MYT1L: variants seen among roughly 807,000 people sequenced by gnomAD.
The protein encoded by MYT1L is myelin transcription factor 1-like protein.
A neutral mutation model predicts 126.7 loss-of-function variants in MYT1L; 12 were observed. The observed-to-expected ratio is 0.09, with a 90% CI of 0.06 to 0.15. The LOEUF (loss-of-function observed/expected upper bound fraction) is 0.15, where lower values mean the gene tolerates loss of function less well. Ranked by LOEUF, MYT1L falls within the 10% of genes least tolerant of loss-of-function variation. The pLI is 1.00. For missense variants in MYT1L, 979 were observed against 1,585.2 expected (o/e 0.62, Z 6.49); for synonymous variants, 541 against 604.2 (o/e 0.90, Z 1.53).
intron 2 of MYT1L, among the ~76,000 whole-genome samples, chr2:2,183,710 A>G (rs2091783833): frequency 6.6e-6 from 1 of 150,716 alleles, no homozygotes. Context: ...TATATACTAG[A>G]AAAAATACTT....
chr2:2,295,791 C>CAGAGAG (rs200564543), intron 1 of MYT1L, among the ~76,000 whole-genome samples: 3 of 100,276 alleles, frequency 3.0e-5, no homozygotes, highest in African/African-American at 1.1e-4. Context: ...GAGAGACAGA[C>CAGAGAG]AGAGAGAGAG....
chr2:2,060,088 T>C (rs949057545), intron 3 of MYT1L, among the ~76,000 whole-genome samples: 3 of 152,194 alleles, frequency 2.0e-5, no homozygotes, highest in African/African-American at 7.2e-5. Flanking sequence ...ACTAACAAAC[T>C]TCTATCTGTC....
At chr2:2,170,159 C>T (rs1335499326) in intron 3 of MYT1L, among the ~76,000 whole-genome samples, 1 of 152,190 alleles carries the variant, frequency 6.6e-6, no homozygotes, top group East Asian at 1.9e-4. Flanking sequence ...TAGCTTTAGA[C>T]TGTCATGCGA....
intron 3 of MYT1L, among the ~76,000 whole-genome samples, chr2:2,154,761 A>G (rs548622324): frequency 7.9e-5 from 12 of 152,310 alleles, no homozygotes; most frequent in African/African-American, 2.6e-4. Flanking sequence ...AATAATCTGT[A>G]CAACAAACCC....
intron 18 of MYT1L, among the ~76,000 whole-genome samples, chr2:1,862,979 C>A (rs1397191140): frequency 6.6e-6 from 1 of 152,138 alleles, no homozygotes; most frequent in East Asian, 1.9e-4. Context: ...ACTCTGGTGT[C>A]CAACAGGAGG....
At chr2:2,205,059 C>CA (rs2093257880) in intron 2 of MYT1L, among the ~76,000 whole-genome samples, 1 of 136,976 alleles carries the variant, frequency 7.3e-6, no homozygotes, top group Admixed American at 8.8e-5. Context: ...GGGAATTGAA[C>CA]AATGAGAACA....
chr2:2,090,252 T>C (rs976677305), intron 3 of MYT1L, among the ~76,000 whole-genome samples: 21 of 152,184 alleles, frequency 1.4e-4, no homozygotes, highest in Admixed American at 5.2e-4. Context: ...CACACCCTGT[T>C]TAATACAGGC....
intron 2 of MYT1L, among the ~76,000 whole-genome samples, chr2:2,189,087 T>C (rs759756832): frequency 5.3e-5 from 8 of 152,200 alleles, no homozygotes; most frequent in Admixed American, 2.6e-4. Context: ...TCCCCTCCAG[T>C]GCATTCTCCA....
At chr2:2,088,794 C>T (rs990921527) in intron 3 of MYT1L, among the ~76,000 whole-genome samples, 5 of 152,262 alleles carry the variant, frequency 3.3e-5, no homozygotes, top group South Asian at 2.1e-4. Flanking sequence ...CGAACAATTA[C>T]GACCAGTTTT....
chr2:2,003,582 G>C (rs1242372208), intron 4 of MYT1L, among the ~76,000 whole-genome samples: 2 of 152,232 alleles, frequency 1.3e-5, no homozygotes. Context: ...TTCTCTCCTG[G>C]GGTGGGTGCC....
At position 1,929,458 on chromosome 2, in the gene MYT1L, G is replaced by A. The variant is rs923256295; in HGVS notation, c.506-6195C>T. Among the ~76,000 whole-genome samples, 4 of 152,312 alleles carry A rather than the reference G, an allele frequency of 2.6e-5. No individual in the cohort carries two copies. The highest frequency in any genetic ancestry group is 1.3e-4 in the Admixed American group (2 of 15,300). On this transcript the variant is annotated intron_variant, in intron 9 of 24. Transcript: ENST00000647738. This position sits in a 1 kb window ranked among gnomAD's most constrained non-coding sequence, Gnocchi z 4.7. Reference sequence around the variant, plus strand: ...GGTGACGCGGCATTGACAGTGGGATGCACGTGTCTTCCCTGCCAGGCCGCA... The same window carrying A: ...GGTGACGCGGCATTGACAGTGGGATACACGTGTCTTCCCTGCCAGGCCGCA...
chr2:2,218,284 A>C (rs1194269846), intron 2 of MYT1L, among the ~76,000 whole-genome samples: 1 of 152,220 alleles, frequency 6.6e-6, no homozygotes, highest in Admixed American at 6.5e-5. Flanking sequence ...TAGCAACTTA[A>C]TTTGAAAAAG....
intron 19 of MYT1L, among the ~76,000 whole-genome samples, chr2:1,846,325 G>C (rs2042491035): frequency 6.6e-6 from 1 of 152,158 alleles, no homozygotes; most frequent in South Asian, 2.1e-4. Context: ...TAATTTACTA[G>C]GTTTCTGGAA....
At chr2:2,181,740 G>T (rs1412042637) in intron 2 of MYT1L, among the ~76,000 whole-genome samples, 1 of 152,138 alleles carries the variant, frequency 6.6e-6, no homozygotes, top group African/African-American at 2.4e-5. Context: ...AACCACAGGA[G>T]GGTGCATGCC....
intron 2 of MYT1L, among the ~76,000 whole-genome samples, chr2:2,220,386 G>A (rs994468420): frequency 3.3e-5 from 5 of 152,158 alleles, no homozygotes; most frequent in African/African-American, 1.2e-4. Context: ...AAGTGGCTGA[G>A]TTTGTCTGAA....
At chr2:2,184,998 T>C (rs921999902) in intron 2 of MYT1L, among the ~76,000 whole-genome samples, 4 of 152,162 alleles carry the variant, frequency 2.6e-5, no homozygotes, top group Non-Finnish European at 4.4e-5. Context: ...GAAATGCAAA[T>C]AGTAATTGCG....
At chr2:1,870,970 T>C (rs62114751) in intron 18 of MYT1L, among the ~76,000 whole-genome samples, 19,075 of 152,248 alleles carry the variant, frequency 0.13, 1,319 homozygotes, top group Middle Eastern at 0.17. Context: ...CGCCCTGCCC[T>C]AGGCTGGGGC....
At chr2:2,002,796 C>T (rs2062529995) in intron 4 of MYT1L, among the ~76,000 whole-genome samples, 1 of 152,068 alleles carries the variant, frequency 6.6e-6, no homozygotes, top group Non-Finnish European at 1.5e-5. Context: ...GGCAGTTTCC[C>T]CCATGCTGTT....
intron 1 of MYT1L, among the ~76,000 whole-genome samples, chr2:2,330,005 T>C (rs72769271): frequency 6.6e-6 from 1 of 151,690 alleles, no homozygotes; most frequent in Non-Finnish European, 1.5e-5. Flanking sequence ...TTTATAAAAC[T>C]CTTTTCTTTT....
Sources: gnomAD v4.1 joint callset for allele counts (sites outside exome capture counted in the v4.1 genomes callset) on GRCh38, gnomAD v4.1.1 for gene constraint, Gnocchi (gnomAD v3.1) non-coding constraint, MANE v1.5 for transcripts, NCBI Gene and HGNC (gene_info 2026-07-23, HGNC 2026-07-21) for gene names.